LOC128462377: variants seen among roughly 807,000 people sequenced by gnomAD.
At chr16:89,413,154 T>C in the LOC128462377 span, among the ~76,000 whole-genome samples, 1 of 152,218 alleles carries the variant, frequency 6.6e-6, no homozygotes, top group Admixed American at 6.5e-5. Context: ...GCATCTTCTA[T>C]AAGTTACTGC....
chr16:89,347,065 C>A, the LOC128462377 span, among the ~76,000 whole-genome samples: 1 of 151,978 alleles, frequency 6.6e-6, no homozygotes, highest in Non-Finnish European at 1.5e-5. Context: ...GAAAGGCCAG[C>A]TAAAGGGGGT....
At chr16:89,327,938 G>A in the LOC128462377 span, among the ~76,000 whole-genome samples, 1 of 152,344 alleles carries the variant, frequency 6.6e-6, no homozygotes, top group African/African-American at 2.4e-5. Flanking sequence ...AGTTTAAAGA[G>A]TGAAAAGACA....
At chr16:89,345,648 A>C in the LOC128462377 span, among the ~76,000 whole-genome samples, 1 of 152,260 alleles carries the variant, frequency 6.6e-6, no homozygotes, top group African/African-American at 2.4e-5. Context: ...AAGAAATACA[A>C]GACCAAGTTT....
the LOC128462377 span, chr16:89,321,055 G>T: frequency 2.0e-5 from 3 of 152,508 alleles, no homozygotes; most frequent in African/African-American, 4.8e-5. Flanking sequence ...CCCACCACGC[G>T]CCAGCGAGCA....
At chr16:89,416,732 C>T in the LOC128462377 span, among the ~76,000 whole-genome samples, 1 of 145,668 alleles carries the variant, frequency 6.9e-6, no homozygotes, top group Non-Finnish European at 1.5e-5. Context: ...GGGTTCAAGA[C>T]AGGCCTGGAC....
the LOC128462377 span, among the ~76,000 whole-genome samples, chr16:89,399,715 G>C: frequency 6.6e-6 from 1 of 152,226 alleles, no homozygotes; most frequent in Non-Finnish European, 1.5e-5. Flanking sequence ...GGCCGCTCTT[G>C]TGGGGATGCT....
chr16:89,415,840 A>AAAAAAAAAAAAAAAC, the LOC128462377 span, among the ~76,000 whole-genome samples: 1 of 144,192 alleles, frequency 6.9e-6, no homozygotes, highest in African/African-American at 2.6e-5. Context: ...AAAAAAAAAA[A>AAAAAAAAAAAAAAAC]AAAAAAAAAA....
At chr16:89,338,452 G>A in the LOC128462377 span, among the ~76,000 whole-genome samples, 2 of 149,648 alleles carry the variant, frequency 1.3e-5, no homozygotes, top group Non-Finnish European at 3.0e-5. Flanking sequence ...AAAGGACCAG[G>A]CGCTGTGGCT....
chr16:89,381,328 C>T, the LOC128462377 span, among the ~76,000 whole-genome samples: 2 of 81,324 alleles, frequency 2.5e-5, no homozygotes, highest in African/African-American at 1.2e-4. Flanking sequence ...CGAGACTCTG[C>T]TGCAAAAAAA....
chr16:89,404,294 C>T, the LOC128462377 span, among the ~76,000 whole-genome samples: 2 of 152,178 alleles, frequency 1.3e-5, no homozygotes. Context: ...AGCAAAGACT[C>T]TGAGAACATC....
the LOC128462377 span, among the ~76,000 whole-genome samples, chr16:89,364,153 G>C: frequency 2.0e-5 from 3 of 152,220 alleles, no homozygotes; most frequent in Non-Finnish European, 2.9e-5. Context: ...CCTGGAGCCT[G>C]GGTGTACCCC....
the LOC128462377 span, among the ~76,000 whole-genome samples, chr16:89,367,250 A>G: frequency 6.6e-6 from 1 of 152,308 alleles, no homozygotes; most frequent in South Asian, 2.1e-4. Flanking sequence ...GCGTTCTCTC[A>G]GGGGTGGGTA....
At chr16:89,364,936 A>G in the LOC128462377 span, among the ~76,000 whole-genome samples, 4,506 of 152,346 alleles carry the variant, frequency 0.03, 149 homozygotes, top group African/African-American at 0.076. Flanking sequence ...CATTTCTTAC[A>G]AAGCCAAATG....
At chr16:89,340,030 T>C in the LOC128462377 span, 1 of 152,252 alleles carries the variant, frequency 6.6e-6, no homozygotes, top group Non-Finnish European at 1.5e-5. Context: ...GCGCTCCTCG[T>C]TGTCTGAAAA....
At chr16:89,374,983 C>G in the LOC128462377 span, among the ~76,000 whole-genome samples, 1 of 152,052 alleles carries the variant, frequency 6.6e-6, no homozygotes, top group Non-Finnish European at 1.5e-5. Context: ...AGATATTAGT[C>G]TATCATTTCC....
chr16:89,412,924 G>A, the LOC128462377 span, among the ~76,000 whole-genome samples: 282 of 152,260 alleles, frequency 1.9e-3, 1 homozygote, highest in Middle Eastern at 3.4e-3. Context: ...GTCAGCAGAG[G>A]TCCCAGCACT....
the LOC128462377 span, chr16:89,392,235 T>C: frequency 6.6e-6 from 1 of 152,292 alleles, no homozygotes; most frequent in Non-Finnish European, 1.5e-5. Context: ...GAGTGTACCC[T>C]TTCTGCAGAA....
the LOC128462377 span, among the ~76,000 whole-genome samples, chr16:89,321,718 T>TAAAA: frequency 1.3e-5 from 2 of 152,050 alleles, no homozygotes; most frequent in Non-Finnish European, 2.9e-5. Flanking sequence ...AAAAAAGACT[T>TAAAA]CTTTGGGGTT....
the LOC128462377 span, among the ~76,000 whole-genome samples, chr16:89,391,444 C>T: frequency 6.6e-6 from 1 of 152,166 alleles, no homozygotes; most frequent in South Asian, 2.1e-4. Flanking sequence ...GGACACCCAG[C>T]TGGTGTCCGC....
Sources: gnomAD v4.1 joint callset for allele counts (sites outside exome capture counted in the v4.1 genomes callset) on GRCh38, gnomAD v4.1.1 for gene constraint, MANE v1.5 for transcripts.